PDE3A: variants seen among roughly 807,000 people sequenced by gnomAD.
PDE3A encodes the protein phosphodiesterase 3A.
Under a neutral mutation model 98.3 loss-of-function variants are expected in PDE3A, and 43 were observed. That is an observed-to-expected ratio of 0.44 (90% CI 0.34 to 0.56). PDE3A has a LOEUF of 0.56. PDE3A is among the 20% of genes least tolerant of loss of function. The pLI, the probability that PDE3A is intolerant of heterozygous loss-of-function variation, is 0.01. For synonymous variants in PDE3A, 663 were observed against 567.9 expected (o/e 1.17, Z -2.38); for missense variants, 1,427 against 1,440.7 (o/e 0.99, Z 0.15).
chr12:20,645,351 C>A (rs1425377344), intron 10 of PDE3A, among the ~76,000 whole-genome samples: 1 of 152,144 alleles, frequency 6.6e-6, no homozygotes, highest in Non-Finnish European at 1.5e-5. Flanking sequence ...CCAGGTGCTA[C>A]AATTGCCACA....
chr12:20,550,141 A>G (rs539765086), intron 1 of PDE3A, among the ~76,000 whole-genome samples: 2 of 152,232 alleles, frequency 1.3e-5, no homozygotes, highest in African/African-American at 4.8e-5. Flanking sequence ...TCTTAAATCA[A>G]TATATTGTGG....
intron 1 of PDE3A, among the ~76,000 whole-genome samples, chr12:20,448,830 C>T (rs561110623): frequency 6.7e-6 from 1 of 148,156 alleles, no homozygotes. Context: ...GCAGTCCCCA[C>T]GCCCTAGCCT....
chr12:20,370,234 C>A lies in PDE3A; in HGVS notation c.950C>A (p.Pro317Gln). 1 of 1,557,616 alleles carries A rather than the reference C, an allele frequency of 6.4e-7. No individual in the cohort carries two copies. The highest frequency in any genetic ancestry group is 8.7e-7 in the Non-Finnish European group (1 of 1,155,508). Residue 317 changes from proline to glutamine, a missense_variant, in exon 1 of 16, where the codon CCG (proline) becomes CAG (glutamine). This residue lies in a region of PDE3A where 1,012 missense variants were observed against 886.5 expected (regional missense o/e 1.14). Coordinates refer to ENST00000359062, the MANE Select transcript of PDE3A (RefSeq NM_000921.5). The stretch of plus-strand genomic sequence containing the variant: ...CGGAGGACCTCCCTGCCCTGTATAC[C>A]GAGGGAACAGGTAAGCACTGGCAAC... Reference protein sequence around the residue: ...SHRRTSLPCIPREQLMGHSEW... With the variant: ...SHRRTSLPCIQREQLMGHSEW...
At chr12:20,458,839 C>A (rs1336333710) in intron 1 of PDE3A, among the ~76,000 whole-genome samples, 1 of 152,084 alleles carries the variant, frequency 6.6e-6, no homozygotes, top group Non-Finnish European at 1.5e-5. Flanking sequence ...GCCTTTGAGG[C>A]CATCGGACTG....
rs1354952094 is a variant in PDE3A at position 20,448,769 on chromosome 12, A to C, written c.960+78525A>C. Among the ~76,000 whole-genome samples, 3 of 67,664 alleles carry C rather than the reference A, an allele frequency of 4.4e-5. No homozygotes were observed. In the East Asian group the frequency reaches 4.7e-3, roughly 107 times the overall value. 44.4% of individuals were successfully genotyped at this position (67,664 alleles called of 152,430 possible). Reference sequence around the variant, plus strand: ...ATTTTAAGGTTTTTTTTTTTTTTTGAGATGGAGTCTTGCTTTATTGCCCTG... The same window carrying C: ...ATTTTAAGGTTTTTTTTTTTTTTTGCGATGGAGTCTTGCTTTATTGCCCTG... On this transcript the variant is annotated intron_variant, in intron 1 of 15. Coordinates refer to ENST00000359062, the MANE Select transcript of PDE3A (RefSeq NM_000921.5).
rs184727861 is a variant in PDE3A, at chr12:20,578,623, T to C, written c.1011+21913T>C. ...CTAACCTGAAGCAATTCCAAAATCT[T>C]ACTGGGAGGCTATTTGAAAGTCCCT... On this transcript the variant is annotated intron_variant, in intron 2 of 15. Transcript: ENST00000359062. Among the ~76,000 whole-genome samples, 1,056 of 152,164 alleles carry C rather than the reference T, an allele frequency of 6.9e-3. 11 individuals are homozygous for C. The highest frequency in any genetic ancestry group is 0.024 in the South Asian group (115 of 4,818).
At chr12:20,573,445 T>C (rs1942851572) in intron 2 of PDE3A, among the ~76,000 whole-genome samples, 1 of 151,634 alleles carries the variant, frequency 6.6e-6, no homozygotes, top group Non-Finnish European at 1.5e-5. Context: ...CCTTTACCTA[T>C]GAAGAGACAG....
intron 13 of PDE3A, among the ~76,000 whole-genome samples, chr12:20,649,104 T>TG (rs1428686996): frequency 6.6e-6 from 1 of 150,512 alleles, no homozygotes; most frequent in Non-Finnish European, 1.5e-5. Context: ...TTTTGTATTT[T>TG]TTTTTTTTAG....
In PDE3A at chr12:20,671,014, G is replaced by T. The variant is rs571368759; in HGVS notation, c.3185-9016G>T. Among the ~76,000 whole-genome samples the T allele has an allele frequency of 1.3e-4, 14 of 110,470 alleles. 3 individuals carry two copies. Among genetic ancestry groups the T allele is most frequent in the African/African-American group, 5.7e-4 (14 of 24,720 alleles). 72.5% of individuals were successfully genotyped at this position (110,470 alleles called of 152,430 possible). On this transcript the variant is annotated intron_variant, in intron 15 of 15. Coordinates refer to ENST00000359062, the MANE Select transcript of PDE3A (RefSeq NM_000921.5). ...AGACGCAATAAAATATGATAAAGGGGATATCACCACCGATCCCACAGAAAT... is the reference window on the plus strand; with the variant it reads ...AGACGCAATAAAATATGATAAAGGGTATATCACCACCGATCCCACAGAAAT...
chr12:20,419,215 AG>A (rs1338805742), intron 1 of PDE3A, among the ~76,000 whole-genome samples: 2 of 152,138 alleles, frequency 1.3e-5, no homozygotes, highest in Admixed American at 6.5e-5. Flanking sequence ...TGCTATTGAG[AG>A]GGGAGAGTTA....
chr12:20,653,917 A>G (rs1944980352), intron 14 of PDE3A, 30 bp from the exon 15 acceptor site: 1 of 1,604,760 alleles, frequency 6.2e-7, no homozygotes, highest in Non-Finnish European at 8.5e-7. Flanking sequence ...TGCCAGGTGA[A>G]TGTTGACTTC....
At chr12:20,581,732 C>T (rs1943072753) in intron 2 of PDE3A, among the ~76,000 whole-genome samples, 1 of 151,192 alleles carries the variant, frequency 6.6e-6, no homozygotes. Context: ...CCTGCCTCAG[C>T]CTCCCAAGTA....
At chr12:20,488,879 C>CAA (rs5796863) in intron 1 of PDE3A, among the ~76,000 whole-genome samples, 15,579 of 118,754 alleles carry the variant, frequency 0.13, 1,292 homozygotes, top group African/African-American at 0.29. Context: ...TCCCTGTCTC[C>CAA]AAAAAAAAAA....
chr12:20,461,649 G>C (rs183965103), intron 1 of PDE3A, among the ~76,000 whole-genome samples: 119 of 152,126 alleles, frequency 7.8e-4, no homozygotes, highest in African/African-American at 2.8e-3. Context: ...TGTATATTAA[G>C]CTTTGGGCCC....
intron 5 of PDE3A, among the ~76,000 whole-genome samples, chr12:20,623,510 A>T (rs1234157250): frequency 2.0e-5 from 3 of 152,108 alleles, no homozygotes; most frequent in Non-Finnish European, 4.4e-5. Context: ...TTTCTGAAAC[A>T]ATATGGTAAC....
intron 1 of PDE3A, among the ~76,000 whole-genome samples, chr12:20,468,857 T>C (rs140235815): frequency 6.6e-6 from 1 of 152,338 alleles, no homozygotes; most frequent in East Asian, 1.9e-4. Flanking sequence ...CAAATATATT[T>C]TCTGGCAGGA....
chr12:20,519,897 C>T (rs1946391534), intron 1 of PDE3A, among the ~76,000 whole-genome samples: 1 of 152,122 alleles, frequency 6.6e-6, no homozygotes, highest in South Asian at 2.1e-4. Flanking sequence ...TGTGCTGCTC[C>T]AGGTACTTTG....
At chr12:20,608,513 T>A (rs1943769144) in intron 2 of PDE3A, among the ~76,000 whole-genome samples, 3 of 152,168 alleles carry the variant, frequency 2.0e-5, no homozygotes, top group Admixed American at 6.5e-5. Context: ...AGCTACAGCA[T>A]AATAGTAGCA....
chr12:20,666,727 C>A (rs1468875325), intron 15 of PDE3A, among the ~76,000 whole-genome samples: 1 of 152,170 alleles, frequency 6.6e-6, no homozygotes, highest in African/African-American at 2.4e-5. Context: ...GTGAAGACTG[C>A]TGCAATAAAT....
Sources: gnomAD v4.1 joint callset for allele counts (sites outside exome capture counted in the v4.1 genomes callset) on GRCh38, gnomAD v4.1.1 for gene constraint, gnomAD v4.1.1 regional missense constraint, MANE v1.5 for transcripts, NCBI Gene and HGNC (gene_info 2026-07-23, HGNC 2026-07-21) for gene names.